The following RAB40C variants were observed in gnomAD, a reference collection of about 807,000 sequenced individuals.
RAB40C encodes RAB40C, member RAS oncogene family, also known as ras-related protein Rab-40C.
RAB40C carries 8 observed loss-of-function variants against 28.1 expected under a neutral mutation model. That is an observed-to-expected ratio of 0.28 (90% confidence interval 0.17 to 0.51). The LOEUF (loss-of-function observed/expected upper bound fraction) is 0.51, where lower values mean the gene tolerates loss of function less well. Among genes scored for constraint, RAB40C ranks in the 20% least tolerant of loss-of-function variants. The pLI is 0.97. For missense variants in RAB40C, 288 were observed against 405.9 expected, an observed-to-expected ratio of 0.71 and a Z score of 2.50; for synonymous variants, 201 against 171.7, an observed-to-expected ratio of 1.17 and a Z score of -1.34.
At position 627,811 on chromosome 16, in the gene RAB40C, AGGGGGCGCGGCTGGGCTGCTGGTGCTTCC is replaced by A. The variant is rs1184708877; in HGVS notation, c.*193_*221del. On this transcript the variant is annotated 3_prime_UTR_variant, in exon 6 of 6. Transcript: ENST00000248139. The stretch of plus-strand genomic sequence containing the variant: ...CGGACCAAGCGCGGCAGGCGGGAGG[AGGGGGCGCGGCTGGGCTGCTGGTGCTTCC>A]GGGAATCTTGGTCGGAAACAAGCCG... The A allele has an allele frequency of 1.4e-5, 9 of 639,024 alleles. No individual in the cohort carries two copies. The highest frequency in any genetic ancestry group is 2.1e-5 in the Non-Finnish European group (9 of 420,448). 39.6% of individuals were successfully genotyped at this position (639,024 alleles called of 1,614,324 possible).
chr16:625,602 C>G, intron 4 of RAB40C, 93 bp downstream of exon 4: 1 of 1,312,306 alleles, frequency 7.6e-7, no homozygotes, highest in South Asian at 1.2e-5. Flanking sequence ...CCTGCCGCCC[C>G]TCCTGTGGCC....
rs57539332 is a variant in RAB40C at position 597,937 on chromosome 16, C to CAAA, written c.142+7529_142+7531dup. On this transcript the variant is annotated intron_variant, in intron 1 of 5. Transcript: ENST00000248139. ...GCAACACAGTGAGACCCCATCTCTA[C>CAAA]AAAAAAAAAAAAAAAAAAAAAAAAA... Among the ~76,000 whole-genome samples, 245 of 28,460 alleles carry CAAA rather than the reference C, an allele frequency of 8.6e-3. 28 individuals carry two copies. The highest frequency in any genetic ancestry group is 0.033 in the East Asian group (31 of 926). The allele number at this position is 28,460 out of a possible 152,430, so 18.7% of individuals were successfully genotyped here.
chr16:594,840 G>T (rs80331613), intron 1 of RAB40C, among the ~76,000 whole-genome samples: 3 of 133,120 alleles, frequency 2.3e-5, no homozygotes, highest in East Asian at 2.3e-4. Context: ...TTTTTTTTTA[G>T]ACGAAGTCTT....
At chr16:597,549 T>C (rs1319272820) in intron 1 of RAB40C, among the ~76,000 whole-genome samples, 1 of 151,596 alleles carries the variant, frequency 6.6e-6, no homozygotes, top group African/African-American at 2.4e-5. Flanking sequence ...GATGGCACTA[T>C]CTTGGCTCGC....
upstream of RAB40C, chr16:589,499 G>C (rs1243478731): frequency 6.6e-6 from 1 of 152,268 alleles, no homozygotes; most frequent in African/African-American, 2.4e-5. Flanking sequence ...GCGCGTTGAA[G>C]GGGCGGATAC....
In RAB40C at chr16:625,412, C is replaced by T. The variant is rs779717992; in HGVS notation, c.265-20C>T. The T allele has an allele frequency of 2.5e-6, 4 of 1,611,738 alleles. No homozygotes were observed. Among genetic ancestry groups the T allele is most frequent in the African/African-American group, 1.3e-5 (1 of 75,036 alleles). On this transcript the variant is annotated intron_variant, in intron 3 of 5. Coordinates refer to ENST00000248139, the MANE Select transcript of RAB40C (RefSeq NM_021168.5). ...CATGCGTGTCAGTGACCCCTGATGA[C>T]CCCCAAGTCTCTGTTGCAGGGGATC... is the stretch of plus-strand genomic sequence containing the variant.
At chr16:614,738 C>G (rs1456549351) in intron 1 of RAB40C, among the ~76,000 whole-genome samples, 4 of 151,822 alleles carry the variant, frequency 2.6e-5, no homozygotes, top group African/African-American at 9.7e-5. Context: ...TCTACCACAT[C>G]CTGATGGTGA....
chr16:621,235 C>T (rs1464594917), intron 3 of RAB40C, among the ~76,000 whole-genome samples: 6 of 152,326 alleles, frequency 3.9e-5, no homozygotes, highest in Admixed American at 1.3e-4. Context: ...TGGGCCACCC[C>T]GGGAGCCCAG....
chr16:601,463 T>A (rs1317368429), intron 1 of RAB40C, among the ~76,000 whole-genome samples: 1 of 152,028 alleles, frequency 6.6e-6, no homozygotes, highest in Non-Finnish European at 1.5e-5. Context: ...TTTGCTCAGG[T>A]GTGTGCTGAG....
intron 3 of RAB40C, among the ~76,000 whole-genome samples, chr16:622,020 A>T (rs1293701231): frequency 1.3e-5 from 2 of 151,708 alleles, no homozygotes; most frequent in Non-Finnish European, 2.9e-5. Flanking sequence ...GGAGGGCTTC[A>T]CTCTCGCTGG....
rs753741831 is a variant in RAB40C, at chr16:627,487, C to T, written c.711C>T (p.His237=). 8.7e-6 allele frequency: 14 copies of T among 1,613,856 alleles called. No homozygotes were observed. The highest frequency in any genetic ancestry group is 1.3e-5 in the African/African-American group (1 of 74,956). Reference sequence around the variant, plus strand: ...ACGGCATGAACGCGGTCATGATGCACGGCCGTTCCTACTCCCTGGCCAGCG... The same window carrying T: ...ACGGCATGAACGCGGTCATGATGCATGGCCGTTCCTACTCCCTGGCCAGCG... ...MANGMNAVMM[H]GRSYSLASGA... Residue 237 remains histidine (H), a synonymous_variant, in exon 6 of 6, where the codon CAC becomes CAT. Transcript: ENST00000248139.
Position 627,335 on chromosome 16 carries a change from C to A in RAB40C, c.566-7C>A. On this transcript the variant is annotated splice_polypyrimidine_tract_variant and splice_region_variant and intron_variant, in intron 5 of 5. Transcript: ENST00000248139. ...CCCCATGGTCTGACACCCCCTCTGC[C>A]CCACAGTGTTCAGCCTGCAGGACCT... The A allele has an allele frequency of 6.2e-7, 1 of 1,610,764 alleles. No individual in the cohort carries two copies. The highest frequency in any genetic ancestry group is 8.5e-7 in the Non-Finnish European group (1 of 1,178,474).
intron 5 of RAB40C, among the ~76,000 whole-genome samples, chr16:626,947 CAAAAG>C (rs2036851167): frequency 6.6e-6 from 1 of 152,168 alleles, no homozygotes; most frequent in African/African-American, 2.4e-5. Flanking sequence ...AAAAACAAAA[CAAAAG>C]AATGAGCGAG....
chr16:611,172 C>T (rs1294584170), intron 1 of RAB40C, among the ~76,000 whole-genome samples: 1 of 152,162 alleles, frequency 6.6e-6, no homozygotes. Context: ...CTAGAGGCCC[C>T]GGCTCTGTGG....
At chr16:590,467 GGGGCCCGAGCCCGGCGAGCT>G in intron 1 of RAB40C, 34 bp downstream of exon 1, 2 of 1,520,452 alleles carry the variant, frequency 1.3e-6, no homozygotes, top group Non-Finnish European at 1.8e-6. Flanking sequence ...GCTGCTACGC[GGGGCCCGAGCCCGGCGAGCT>G]GGGCACGGAG....
rs2035960146 is a variant in RAB40C, at chr16:590,230, G to T, written c.-62G>T. 1.6e-6 allele frequency: 2 copies of T among 1,257,180 alleles called. No homozygotes were observed. The highest frequency in any genetic ancestry group is 2.3e-5 in the South Asian group (1 of 42,818). The allele number at this position is 1,257,180 out of a possible 1,614,324, so 77.9% of individuals were successfully genotyped here. A position where few individuals can be genotyped will look rare whatever the true frequency, so the allele number is the denominator to read the frequency against. On this transcript the variant is annotated 5_prime_UTR_variant, in exon 1 of 6. Coordinates refer to ENST00000248139, the MANE Select transcript of RAB40C (RefSeq NM_021168.5). ...AGGTGCGGGGCGCGGGCTCTCTCAC[G>T]CCGCGGCCTCACCCGGCGGTGCTTC...
In RAB40C at chr16:629,190, G is replaced by A. The variant is rs756090083; in HGVS notation, c.*1568G>A. The A allele has an allele frequency of 3.9e-5, 9 of 230,720 alleles. No individual in the cohort carries two copies. Among genetic ancestry groups the A allele is most frequent in the African/African-American group, 6.7e-5 (3 of 44,820 alleles). The allele number at this position is 230,720 out of a possible 1,614,324, so 14.3% of individuals were successfully genotyped here. ...TGCATTCACGGCATCAACACTACCCGCGCTGCTGTTAGACACTCCGCCATT... is the reference window on the plus strand; with the variant it reads ...TGCATTCACGGCATCAACACTACCCACGCTGCTGTTAGACACTCCGCCATT... On this transcript the variant is annotated 3_prime_UTR_variant, in exon 6 of 6. Transcript: ENST00000248139.
chr16:618,805 T>G (rs919660144), intron 3 of RAB40C, among the ~76,000 whole-genome samples: 1 of 134,008 alleles, frequency 7.5e-6, no homozygotes, highest in Non-Finnish European at 1.6e-5. Flanking sequence ...TGGAGCTGTG[T>G]GTGTGCACAG....
chr16:618,378 C>A, intron 3 of RAB40C, 118 bp downstream of exon 3: 1 of 1,028,244 alleles, frequency 9.7e-7, no homozygotes, highest in Non-Finnish European at 1.4e-6. Context: ...TAAGGATATT[C>A]TCACATTGGT....
Sources: allele counts gnomAD v4.1 joint callset (sites outside exome capture counted in the v4.1 genomes callset), GRCh38; gene constraint gnomAD v4.1.1; transcripts MANE v1.5; gene names NCBI Gene and HGNC (gene_info 2026-07-23, HGNC 2026-07-21).